The following BCO2 variants were observed in gnomAD, a reference collection of about 807,000 sequenced individuals.
BCO2 encodes the protein carotenoid-cleaving dioxygenase, mitochondrial.
BCO2 carries 56 observed loss-of-function variants against 65.8 expected under a neutral mutation model. That is an observed-to-expected ratio of 0.85 (90% CI 0.69 to 1.06). The LOEUF is 1.06. Among genes scored for constraint, BCO2 ranks in the 50% least tolerant of loss-of-function variants. The pLI is 0.00. For missense variants in BCO2, 675 were observed against 698.5 expected, an observed-to-expected ratio of 0.97 and a Z score of 0.38; for synonymous variants, 233 against 242.3, an observed-to-expected ratio of 0.96 and a Z score of 0.36.
chr11:112,202,759 T>C (rs1867767328), intron 8 of BCO2, among the ~76,000 whole-genome samples: 1 of 152,110 alleles, frequency 6.6e-6, no homozygotes, highest in Non-Finnish European at 1.5e-5. Context: ...TTTAAAAGCA[T>C]ATGTGGCTGG....
chr11:112,210,038 T>C (rs955853327), intron 8 of BCO2, among the ~76,000 whole-genome samples: 17 of 152,206 alleles, frequency 1.1e-4, no homozygotes, highest in African/African-American at 4.1e-4. Context: ...AGGATTGATA[T>C]TATTTCTTAA....
intron 4 of BCO2, 158 bp from the exon 5 acceptor site, chr11:112,194,495 T>C (rs1187299520): frequency 1.8e-6 from 1 of 556,406 alleles, no homozygotes; most frequent in Non-Finnish European, 3.1e-6. Context: ...TTTCTTTTTT[T>C]TAGTGGGAAA....
At chr11:112,177,225 A>C (rs1338605370) in intron 1 of BCO2, among the ~76,000 whole-genome samples, 3 of 152,232 alleles carry the variant, frequency 2.0e-5, no homozygotes, top group African/African-American at 7.2e-5. Flanking sequence ...TAACATAAAT[A>C]CCTGAGAGTT....
chr11:112,201,306 C>A (rs1373331689), intron 7 of BCO2, among the ~76,000 whole-genome samples: 1 of 151,978 alleles, frequency 6.6e-6, no homozygotes. Context: ...TGCCACCACA[C>A]CCAGCTAATT....
At chr11:112,205,805 C>A (rs1272997951) in intron 8 of BCO2, among the ~76,000 whole-genome samples, 2 of 152,034 alleles carry the variant, frequency 1.3e-5, no homozygotes. Flanking sequence ...TGTTATGTTG[C>A]CAAGGCTTTT....
rs754125457 is a variant in BCO2, at chr11:112,179,446, G to A, written c.257G>A (p.Arg86Gln). Residue 86 changes from arginine to glutamine, a missense_variant, in exon 2 of 12, where the codon CGA becomes CAA. Coordinates refer to ENST00000357685, the MANE Select transcript of BCO2 (RefSeq NM_031938.7). Reference protein sequence around the residue: ...FPKWLNGSLLRIGPGKFEFGK... With the variant: ...FPKWLNGSLLQIGPGKFEFGK... ...AAGTGGCTCAATGGCTCTCTACTTC[G>A]AATTGGACCTGGGAAATTCGAGTTT... 5.6e-6 allele frequency: 9 copies of A among 1,614,088 alleles called. No homozygotes were observed. Among genetic ancestry groups the A allele is most frequent in the African/African-American group, 4.0e-5 (3 of 75,012 alleles).
intron 8 of BCO2, among the ~76,000 whole-genome samples, chr11:112,211,745 T>C (rs933460353): frequency 6.6e-6 from 1 of 152,268 alleles, no homozygotes; most frequent in African/African-American, 2.4e-5. Context: ...TTTAAGTAGT[T>C]AGGGAAAAAC....
At chr11:112,182,256 C>A (rs998709444) in intron 2 of BCO2, among the ~76,000 whole-genome samples, 20 of 152,244 alleles carry the variant, frequency 1.3e-4, no homozygotes, top group African/African-American at 4.1e-4. Context: ...GTTGGTGGGA[C>A]TGTAAACTAG....
At chr11:112,209,807 C>T (rs1431934681) in intron 8 of BCO2, among the ~76,000 whole-genome samples, 1 of 152,050 alleles carries the variant, frequency 6.6e-6, no homozygotes, top group Non-Finnish European at 1.5e-5. Context: ...GAAGTAAATC[C>T]CAATTGGTCG....
intron 8 of BCO2, among the ~76,000 whole-genome samples, chr11:112,212,143 G>T (rs1472089725): frequency 6.6e-6 from 1 of 152,144 alleles, no homozygotes; most frequent in African/African-American, 2.4e-5. Context: ...TATAGACTAG[G>T]TATATGGGAG....
At chr11:112,205,009 G>A (rs1247359295) in intron 8 of BCO2, among the ~76,000 whole-genome samples, 1 of 152,080 alleles carries the variant, frequency 6.6e-6, no homozygotes, top group African/African-American at 2.4e-5. Flanking sequence ...TTGCTTTATT[G>A]TAATAATACA....
intron 2 of BCO2, among the ~76,000 whole-genome samples, chr11:112,187,678 A>G (rs1157690904): frequency 6.6e-6 from 1 of 152,176 alleles, no homozygotes; most frequent in African/African-American, 2.4e-5. Flanking sequence ...ACTTCTGATC[A>G]GAGGACGCAG....
intron 1 of BCO2, chr11:112,176,547 G>A (rs1307013758): frequency 8.8e-6 from 1 of 113,926 alleles, no homozygotes; most frequent in Non-Finnish European, 1.7e-5. Flanking sequence ...ATTCTATTTT[G>A]ACATGTTGAA....
chr11:112,194,419 A>C (rs1467275876), intron 4 of BCO2: 8 of 464,854 alleles, frequency 1.7e-5, no homozygotes, highest in Non-Finnish European at 3.0e-5. Context: ...ATATTAGGCA[A>C]ATTTATTCAG....
chr11:112,180,782 ATG>A, intron 2 of BCO2: 1 of 975,172 alleles, frequency 1.0e-6, no homozygotes, highest in Non-Finnish European at 1.7e-6. Flanking sequence ...GATGAGGCGG[ATG>A]ACCCTGTTCC....
intron 9 of BCO2, 62 bp from the exon 10 acceptor site, chr11:112,214,700 C>T: frequency 7.0e-7 from 1 of 1,418,794 alleles, no homozygotes; most frequent in East Asian, 2.3e-5. Flanking sequence ...TCCTCACTGA[C>T]CTACATAAGA....
intron 11 of BCO2, 38 bp from the exon 12 acceptor site, chr11:112,217,723 A>G (rs1859723761): frequency 6.6e-7 from 1 of 1,522,924 alleles, no homozygotes; most frequent in South Asian, 1.1e-5. Flanking sequence ...TTTTTGATGA[A>G]AAAAAGATAA....
chr11:112,205,278 A>C (rs781635888), intron 8 of BCO2, among the ~76,000 whole-genome samples: 3 of 152,124 alleles, frequency 2.0e-5, no homozygotes, highest in African/African-American at 7.2e-5. Context: ...CCAACAATGT[A>C]CTAGAGTTCC....
At chr11:112,193,751 T>A (rs1322520051) in intron 3 of BCO2, 54 bp downstream of exon 3, 2 of 1,567,304 alleles carry the variant, frequency 1.3e-6, no homozygotes, top group Non-Finnish European at 1.7e-6. Flanking sequence ...TATACAAACA[T>A]AAATCTTGAA....
Sources: allele counts gnomAD v4.1 joint callset (sites outside exome capture counted in the v4.1 genomes callset), GRCh38; gene constraint gnomAD v4.1.1; transcripts MANE v1.5; gene names NCBI Gene and HGNC (gene_info 2026-07-23, HGNC 2026-07-21).